ATP8A1: variants seen among roughly 807,000 people sequenced by gnomAD.
ATP8A1 encodes the protein phospholipid-transporting ATPase IA.
In ATP8A1, 90 loss-of-function variants were observed where a neutral mutation model predicts 177.7. The ratio of observed to expected loss-of-function variants is 0.51; its 90% CI spans 0.43 to 0.60. ATP8A1 has a LOEUF of 0.60. Among genes scored for constraint, ATP8A1 ranks in the 20% least tolerant of loss-of-function variants. ATP8A1 has a pLI of 0.00. For missense variants in ATP8A1, 1,072 were observed against 1,392.8 expected, an observed-to-expected ratio of 0.77 and a Z score of 3.67; for synonymous variants, 493 against 485.9, an observed-to-expected ratio of 1.01 and a Z score of -0.19.
At position 42,586,336 on chromosome 4, in the gene ATP8A1, G is replaced by A. The variant is rs760701699; in HGVS notation, c.722+13C>T. ...GTGGATTCTGTGTTTTTATAAAGAC[G>A]GATTTTACATACCCATGTCCATCAA... is the stretch of plus-strand genomic sequence containing the variant. On this transcript the variant is annotated intron_variant, in intron 9 of 36. Coordinates refer to ENST00000381668, the MANE Select transcript of ATP8A1 (RefSeq NM_006095.2). The A allele has an allele frequency of 4.3e-6, 7 of 1,612,620 alleles. No homozygotes were observed. Among genetic ancestry groups the A allele is most frequent in the South Asian group, 1.1e-5 (1 of 90,778 alleles).
chr4:42,530,550 C>T (rs1473954436), intron 20 of ATP8A1, among the ~76,000 whole-genome samples: 3 of 152,178 alleles, frequency 2.0e-5, no homozygotes, highest in African/African-American at 4.8e-5. Context: ...TTCCACACAG[C>T]ACTGCCTCTG....
chr4:42,538,436 C>T lies in ATP8A1; in HGVS notation c.1722+5481G>A, dbSNP rs144592883. On this transcript the variant is annotated intron_variant, in intron 20 of 36. Coordinates refer to ENST00000381668, the MANE Select transcript of ATP8A1 (RefSeq NM_006095.2). ...AATAGATGGGACTTAAACTAAAAAG[C>T]ACAGCAAAAAATATAATCAGGACAG... 1.6e-4 allele frequency among the ~76,000 whole-genome samples: 25 copies of T among 152,084 alleles called. No homozygotes were observed. In the East Asian group the frequency reaches 3.3e-3, roughly 20 times the overall value.
chr4:42,608,232 T>C (rs927824401), intron 5 of ATP8A1, among the ~76,000 whole-genome samples: 4 of 151,554 alleles, frequency 2.6e-5, no homozygotes, highest in African/African-American at 9.7e-5. Flanking sequence ...GTGCAGGTGC[T>C]GACTTACACT....
At chr4:42,470,326 C>T (rs1442326150) in intron 25 of ATP8A1, among the ~76,000 whole-genome samples, 1 of 152,122 alleles carries the variant, frequency 6.6e-6, no homozygotes, top group East Asian at 1.9e-4. Flanking sequence ...GCCCTGTGAA[C>T]GTTAGATCAG....
intron 18 of ATP8A1, among the ~76,000 whole-genome samples, chr4:42,550,514 T>C (rs1729395736): frequency 6.6e-6 from 1 of 152,220 alleles, no homozygotes; most frequent in Admixed American, 6.5e-5. Context: ...GACAACTCTG[T>C]AAGGTTTTCC....
chr4:42,556,116 G>A (rs1195715882), intron 15 of ATP8A1, 76 bp from the exon 16 acceptor site: 7 of 1,029,068 alleles, frequency 6.8e-6, no homozygotes, highest in Non-Finnish European at 1.0e-5. Flanking sequence ...TGTACTTTAT[G>A]AGTAAAGTGT....
intron 1 of ATP8A1, among the ~76,000 whole-genome samples, chr4:42,652,141 G>A (rs986012720): frequency 5.9e-5 from 9 of 152,056 alleles, no homozygotes; most frequent in African/African-American, 1.4e-4. Flanking sequence ...GGATGTCCCC[G>A]TTACCTCAAA....
At chr4:42,628,548 T>G (rs1269960853) in intron 1 of ATP8A1, among the ~76,000 whole-genome samples, 4 of 152,164 alleles carry the variant, frequency 2.6e-5, no homozygotes, top group Admixed American at 2.6e-4. Flanking sequence ...TGTATCCTTA[T>G]CACCCTGGAG....
At chr4:42,429,833 T>C (rs1715065842) in intron 33 of ATP8A1, among the ~76,000 whole-genome samples, 1 of 152,248 alleles carries the variant, frequency 6.6e-6, no homozygotes, top group Non-Finnish European at 1.5e-5. Flanking sequence ...ACAACATGGA[T>C]GAACCCTGAA....
chr4:42,578,255 T>G lies in ATP8A1; in HGVS notation c.1128+5A>C. ...AGGGTGATAACAATCATAATTCATA[T>G]TTACCCAATTTATGAAGTATGCCTG... On this transcript the variant is annotated splice_donor_5th_base_variant and intron_variant, in intron 12 of 36. Coordinates refer to ENST00000381668, the MANE Select transcript of ATP8A1 (RefSeq NM_006095.2). The G allele has an allele frequency of 6.3e-7, 1 of 1,589,826 alleles. No individual in the cohort carries two copies. Among genetic ancestry groups the G allele is most frequent in the Non-Finnish European group, 8.6e-7 (1 of 1,169,522 alleles).
Position 42,443,677 on chromosome 4 carries a change from A to AG in ATP8A1, c.3016-6dup, listed in dbSNP as rs1273454100. The AG allele has an allele frequency of 7.3e-7, 1 of 1,364,592 alleles. No homozygotes were observed. Among genetic ancestry groups the AG allele is most frequent in the Non-Finnish European group, 1.0e-6 (1 of 953,742 alleles). 84.5% of individuals were successfully genotyped at this position (1,364,592 alleles called of 1,614,324 possible). On this transcript the variant is annotated splice_polypyrimidine_tract_variant and splice_region_variant and intron_variant, in intron 32 of 36. Coordinates refer to ENST00000381668, the MANE Select transcript of ATP8A1 (RefSeq NM_006095.2). ...CCATATCGCTATGTGGCTGAACTGT[A>AG]GAGCAAGGAAATCTGAGTCAAAAAA... is the stretch of plus-strand genomic sequence containing the variant.
chr4:42,444,132 A>G (rs982541793), intron 32 of ATP8A1, among the ~76,000 whole-genome samples: 4 of 152,182 alleles, frequency 2.6e-5, no homozygotes, highest in Non-Finnish European at 5.9e-5. Context: ...ACGGGGGTAC[A>G]CCGCAAAACT....
chr4:42,566,180 A>G (rs1289436997), intron 15 of ATP8A1, among the ~76,000 whole-genome samples: 1 of 152,246 alleles, frequency 6.6e-6, no homozygotes, highest in Non-Finnish European at 1.5e-5. Flanking sequence ...CTAAATGTAA[A>G]TATGTAATCT....
intron 21 of ATP8A1, among the ~76,000 whole-genome samples, chr4:42,523,359 T>G (rs1726340831): frequency 6.6e-6 from 1 of 152,142 alleles, no homozygotes; most frequent in Admixed American, 6.5e-5. Context: ...ACTCTTAGAA[T>G]GACTAGGACC....
At chr4:42,467,729 T>C (rs935697849) in intron 25 of ATP8A1, among the ~76,000 whole-genome samples, 1 of 152,214 alleles carries the variant, frequency 6.6e-6, no homozygotes, top group East Asian at 1.9e-4. Context: ...TGGAATAAGA[T>C]TGAAGACATA....
intron 27 of ATP8A1, among the ~76,000 whole-genome samples, chr4:42,462,442 C>A (rs1464866793): frequency 6.6e-6 from 1 of 152,242 alleles, no homozygotes; most frequent in Non-Finnish European, 1.5e-5. Flanking sequence ...AGTGGCTTCA[C>A]AGGGTGCAAG....
chr4:42,614,454 C>T (rs1000616521), intron 5 of ATP8A1, among the ~76,000 whole-genome samples: 2 of 152,242 alleles, frequency 1.3e-5, no homozygotes, highest in Non-Finnish European at 1.5e-5. Flanking sequence ...AAATACCAGG[C>T]TTGAAACGTC....
intron 5 of ATP8A1, among the ~76,000 whole-genome samples, chr4:42,605,760 C>T (rs575496795): frequency 6.6e-6 from 1 of 152,350 alleles, no homozygotes; most frequent in South Asian, 2.1e-4. Flanking sequence ...ACAGTGCATT[C>T]TCCTCTCCAC....
chr4:42,464,290 G>C (rs2153182815), intron 27 of ATP8A1, among the ~76,000 whole-genome samples: 1 of 142,580 alleles, frequency 7.0e-6, no homozygotes, highest in African/African-American at 2.6e-5. Flanking sequence ...TTTTGGGGTG[G>C]AGTCTCACTC....
Sources: gnomAD v4.1 joint callset for allele counts (sites outside exome capture counted in the v4.1 genomes callset) on GRCh38, gnomAD v4.1.1 for gene constraint, MANE v1.5 for transcripts, NCBI Gene and HGNC (gene_info 2026-07-23, HGNC 2026-07-21) for gene names.